The following EPHA6 variants were observed in gnomAD, a reference collection of about 807,000 sequenced individuals.
EPHA6 encodes the protein EPH receptor A6.
In EPHA6, 50 loss-of-function variants were observed where a neutral mutation model predicts 112.0. That is an observed-to-expected ratio of 0.45 (90% CI 0.36 to 0.56). EPHA6 has a LOEUF of 0.56. Among genes scored for constraint, EPHA6 ranks in the 20% least tolerant of loss-of-function variants. EPHA6 has a pLI of 0.00. For missense variants in EPHA6, 1,280 were observed against 1,417.4 expected, an observed-to-expected ratio of 0.90 and a Z score of 1.56; for synonymous variants, 529 against 490.7, an observed-to-expected ratio of 1.08 and a Z score of -1.03.
intron 6 of EPHA6, among the ~76,000 whole-genome samples, chr3:97,419,496 G>C (rs963729483): frequency 6.6e-6 from 1 of 151,904 alleles, no homozygotes; most frequent in Non-Finnish European, 1.5e-5. Flanking sequence ...GTGGTGGCAG[G>C]CACCTGTAAT....
chr3:97,659,748 G>C (rs1039016291), intron 14 of EPHA6, among the ~76,000 whole-genome samples: 1 of 151,958 alleles, frequency 6.6e-6, no homozygotes, highest in East Asian at 1.9e-4. Flanking sequence ...TGAAAAATAA[G>C]TGGTACTTAT....
chr3:97,285,429 G>A (rs1276211878), intron 5 of EPHA6, among the ~76,000 whole-genome samples: 2 of 151,978 alleles, frequency 1.3e-5, no homozygotes, highest in African/African-American at 4.8e-5. Flanking sequence ...CTACCTCCAT[G>A]AGATCAATTT....
In EPHA6 at chr3:97,551,606, A is replaced by T. The variant is rs76968574; in HGVS notation, c.2386+19063A>T. On this transcript the variant is annotated intron_variant, in intron 11 of 17. Transcript: ENST00000389672. ...TTTTATTCTAGCATAGCCATATATT[A>T]TATATAACATGCTGTTGTGTTTAGT... Among the ~76,000 whole-genome samples, 561 of 152,246 alleles carry T rather than the reference A, an allele frequency of 3.7e-3. 3 individuals carry two copies. Among genetic ancestry groups the T allele is most frequent in the African/African-American group, 0.013 (542 of 41,576 alleles).
intron 15 of EPHA6, among the ~76,000 whole-genome samples, chr3:97,723,099 A>C (rs2034605464): frequency 6.6e-6 from 1 of 152,202 alleles, no homozygotes; most frequent in Admixed American, 6.5e-5. Flanking sequence ...TGGAATAAGG[A>C]ATGATTCATA....
chr3:97,120,544 T>C (rs2048013419), intron 3 of EPHA6, among the ~76,000 whole-genome samples: 1 of 151,786 alleles, frequency 6.6e-6, no homozygotes, highest in Admixed American at 6.6e-5. Flanking sequence ...ACTGCTAACA[T>C]GAGGAGTAGG....
At chr3:97,720,598 C>T (rs754062270) in intron 15 of EPHA6, among the ~76,000 whole-genome samples, 188 bp downstream of exon 15, 4 of 152,216 alleles carry the variant, frequency 2.6e-5, no homozygotes, top group African/African-American at 4.8e-5. Flanking sequence ...TCAGGGACAG[C>T]TGCCAGGCTG....
At chr3:97,702,019 C>T (rs1037708289) in intron 14 of EPHA6, among the ~76,000 whole-genome samples, 2 of 152,176 alleles carry the variant, frequency 1.3e-5, no homozygotes, top group Admixed American at 6.6e-5. Flanking sequence ...CTTACACTCC[C>T]ATTAAATATA....
intron 2 of EPHA6, 57 bp downstream of exon 2, chr3:96,866,946 T>A (rs1246013397): frequency 1.1e-5 from 11 of 1,001,054 alleles, no homozygotes; most frequent in Non-Finnish European, 1.6e-5. Context: ...GATCTCCTAA[T>A]AGTTGATGGA....
intron 15 of EPHA6, among the ~76,000 whole-genome samples, chr3:97,721,239 A>G (rs975414341): frequency 2.0e-5 from 3 of 152,172 alleles, no homozygotes; most frequent in Non-Finnish European, 4.4e-5. Context: ...GATAATCCCT[A>G]AACACTATTG....
chr3:97,053,032 A>T (rs1157714608), intron 3 of EPHA6, among the ~76,000 whole-genome samples: 1 of 152,120 alleles, frequency 6.6e-6, no homozygotes, highest in East Asian at 1.9e-4. Context: ...ATAGCATATT[A>T]TCTGGCCCTT....
intron 5 of EPHA6, among the ~76,000 whole-genome samples, chr3:97,325,392 C>T (rs964244954): frequency 4.6e-5 from 7 of 152,046 alleles, no homozygotes; most frequent in Non-Finnish European, 1.0e-4. Flanking sequence ...GTGCACATCC[C>T]TGGAGTCACT....
At chr3:96,942,701 C>G (rs1418516922) in intron 2 of EPHA6, among the ~76,000 whole-genome samples, 3 of 152,182 alleles carry the variant, frequency 2.0e-5, no homozygotes, top group Non-Finnish European at 4.4e-5. Flanking sequence ...CGGTCTTCTG[C>G]TTTGCTCATG....
chr3:97,627,474 G>T (rs551637873), intron 13 of EPHA6, among the ~76,000 whole-genome samples: 1 of 151,778 alleles, frequency 6.6e-6, no homozygotes, highest in Non-Finnish European at 1.5e-5. Context: ...ATACCTGAGA[G>T]AAAATATTCC....
At chr3:97,327,710 A>G (rs2082505582) in intron 5 of EPHA6, among the ~76,000 whole-genome samples, 2 of 151,838 alleles carry the variant, frequency 1.3e-5, no homozygotes. Context: ...TATGAGGTAA[A>G]TGGAATCATA....
chr3:97,350,625 G>A (rs1257183220), intron 5 of EPHA6, among the ~76,000 whole-genome samples: 2 of 152,088 alleles, frequency 1.3e-5, no homozygotes, highest in Non-Finnish European at 2.9e-5. Context: ...GTCATCATTT[G>A]CTTCTTTTTT....
chr3:97,345,720 A>T (rs2083501481), intron 5 of EPHA6, among the ~76,000 whole-genome samples: 1 of 152,166 alleles, frequency 6.6e-6, no homozygotes, highest in Non-Finnish European at 1.5e-5. Context: ...GTATATATAT[A>T]TGTAAACATA....
intron 3 of EPHA6, among the ~76,000 whole-genome samples, chr3:97,080,759 T>C (rs909973104): frequency 6.6e-6 from 1 of 152,066 alleles, no homozygotes; most frequent in African/African-American, 2.4e-5. Context: ...TTGAATTTCC[T>C]GTTCCTTTAA....
At chr3:97,409,961 T>G (rs2087604912) in intron 6 of EPHA6, among the ~76,000 whole-genome samples, 2 of 152,118 alleles carry the variant, frequency 1.3e-5, no homozygotes, top group Admixed American at 6.6e-5. Flanking sequence ...AAACTATCTT[T>G]GCTTTTTAAT....
At chr3:97,159,795 C>G (rs2076371364) in intron 3 of EPHA6, among the ~76,000 whole-genome samples, 1 of 152,176 alleles carries the variant, frequency 6.6e-6, no homozygotes, top group Admixed American at 6.5e-5. Context: ...CTGTGTAGAA[C>G]ACTATGATGG....
Sources: allele counts gnomAD v4.1 joint callset (sites outside exome capture counted in the v4.1 genomes callset), GRCh38; gene constraint gnomAD v4.1.1; transcripts MANE v1.5; gene names NCBI Gene and HGNC (gene_info 2026-07-23, HGNC 2026-07-21).